USP17L17: variants seen among roughly 807,000 people sequenced by gnomAD.
The protein encoded by USP17L17 is ubiquitin specific peptidase 17 like family member 17, also known as ubiquitin carboxyl-terminal hydrolase 17-like protein 17.
Position 9,244,278 on chromosome 4 carries a change from CG to C in USP17L17, c.403del (p.Ala135ProfsTer38). On this transcript the variant is annotated frameshift_variant, in exon 1 of 1. Coordinates refer to ENST00000511568, the MANE Select transcript of USP17L17 (RefSeq NM_001256857.1). LOFTEE classifies it low-confidence loss of function (END_TRUNC). Reference protein sequence around the residue: ...MLCTMQAHITRALHNPGHVIQ... With the variant: ...MLCTMQAHITXALHNPGHVIQ... ...CTGTACGATGCAAGCTCACATCACA[CG>C]GGCCCTCCACAATCCTGGCCACGTC... The C allele has an allele frequency of 5.0e-6, 1 of 198,250 alleles. No individual in the cohort carries two copies. 12.3% of individuals were successfully genotyped at this position (198,250 alleles called of 1,614,324 possible). A position where few individuals can be genotyped will look rare whatever the true frequency, so the allele number is the denominator to read the frequency against.
Position 9,244,285 on chromosome 4 carries a change from T to A in USP17L17, c.407T>A (p.Leu136His). The change falls in exon 1 of 1, where the codon CTC (leucine) becomes CAC (histidine). Residue 136 changes from leucine to histidine, a missense_variant. Coordinates refer to ENST00000511568, the MANE Select transcript of USP17L17 (RefSeq NM_001256857.1). The part of the protein sequence containing the change: ...CTMQAHITRA[L>H]HNPGHVIQPS... ...ATGCAAGCTCACATCACACGGGCCC[T>A]CCACAATCCTGGCCACGTCATCCAG... 1 of 186,128 alleles carries A rather than the reference T, an allele frequency of 5.4e-6. No homozygotes were observed. Among genetic ancestry groups the A allele is most frequent in the Admixed American group, 1.0e-4 (1 of 9,936 alleles). 11.5% of individuals were successfully genotyped at this position (186,128 alleles called of 1,614,324 possible).
Sources: allele counts gnomAD v4.1 joint callset, GRCh38; gene constraint gnomAD v4.1.1; transcripts MANE v1.5; gene names NCBI Gene and HGNC (gene_info 2026-07-23, HGNC 2026-07-21).